Variants in UMODL1 observed in about 807,000 individuals in gnomAD.
The protein encoded by UMODL1 is uromodulin like 1, also known as uromodulin-like 1.
A neutral mutation model predicts 136.3 loss-of-function variants in UMODL1; 128 were observed. The observed-to-expected ratio is 0.94, with a 90% CI of 0.81 to 1.09. The LOEUF is 1.09. Ranked by LOEUF, UMODL1 falls within the 50% of genes least tolerant of loss-of-function variation. The pLI is 0.00. For synonymous variants in UMODL1, 721 were observed against 720.0 expected, an observed-to-expected ratio of 1.00 and a Z score of -0.02; for missense variants, 1,766 against 1,725.6, an observed-to-expected ratio of 1.02 and a Z score of -0.41.
At chr21:42,135,491 T>C (rs1029244514) in intron 21 of UMODL1, among the ~76,000 whole-genome samples, 4 of 151,754 alleles carry the variant, frequency 2.6e-5, no homozygotes, top group Admixed American at 1.3e-4. Flanking sequence ...GGGCTGAGAG[T>C]CCAGGGCCAT....
intron 22 of UMODL1, among the ~76,000 whole-genome samples, chr21:42,139,779 T>C (rs2067254521): frequency 6.6e-6 from 1 of 152,148 alleles, no homozygotes; most frequent in African/African-American, 2.4e-5. Context: ...GGGAGGTGAC[T>C]GGTCTCTAGC....
intron 14 of UMODL1, among the ~76,000 whole-genome samples, chr21:42,116,877 A>G (rs1010372765): frequency 3.9e-5 from 6 of 152,284 alleles, no homozygotes; most frequent in East Asian, 1.9e-4. Flanking sequence ...GGAGTTCTAG[A>G]CTAGCCTGGC....
chr21:42,074,012 A>T (rs908119231), intron 1 of UMODL1, among the ~76,000 whole-genome samples: 21 of 152,186 alleles, frequency 1.4e-4, no homozygotes, highest in African/African-American at 5.1e-4. Context: ...GGGGAGCTGG[A>T]GGGGACCCTT....
intron 1 of UMODL1, among the ~76,000 whole-genome samples, chr21:42,074,879 C>T (rs1035014362): frequency 2.0e-5 from 3 of 151,846 alleles, no homozygotes; most frequent in Non-Finnish European, 4.4e-5. Context: ...CACCAGCCAC[C>T]ACAATTTTTT....
intron 1 of UMODL1, among the ~76,000 whole-genome samples, chr21:42,063,719 G>A (rs759038292): frequency 1.3e-5 from 2 of 152,212 alleles, no homozygotes; most frequent in East Asian, 1.9e-4. Flanking sequence ...CCAACTGGCC[G>A]CTTGCTTGTC....
chr21:42,136,624 G>A, intron 21 of UMODL1, among the ~76,000 whole-genome samples: 1 of 152,240 alleles, frequency 6.6e-6, no homozygotes, highest in Non-Finnish European at 1.5e-5. Context: ...GGACACTTCA[G>A]TTGTTGCCAC....
At position 42,113,698 on chromosome 21, in the gene UMODL1, G is replaced by A; in HGVS notation, c.2230G>A (p.Ala744Thr). The change falls in exon 13 of 23, where the codon GCT becomes ACT. Residue 744 changes from alanine (A) to threonine (T), a missense_variant. Transcript: ENST00000408910. ...QLTLTSMWSP[A>T]VVLETWNTSV... The stretch of plus-strand genomic sequence containing the variant: ...CACTCTGACTTCCATGTGGAGCCCT[G>A]CTGTGGTCCTAGAGACCTGGAACAC... 1.2e-6 allele frequency: 2 copies of A among 1,614,106 alleles called. No individual in the cohort carries two copies. Among genetic ancestry groups the A allele is most frequent in the South Asian group, 1.1e-5 (1 of 91,072 alleles).
At chr21:42,084,656 C>T (rs1400914035) in intron 3 of UMODL1, among the ~76,000 whole-genome samples, 1 of 151,978 alleles carries the variant, frequency 6.6e-6, no homozygotes, top group African/African-American at 2.4e-5. Flanking sequence ...GCCTGCTGGT[C>T]TGGAAAGTTC....
At position 42,095,089 on chromosome 21, in the gene UMODL1, GTTTTTTT is replaced by G. The variant is rs58764222; in HGVS notation, c.932-3820_932-3814del. Among the ~76,000 whole-genome samples, 10 of 61,206 alleles carry G rather than the reference GTTTTTTT, an allele frequency of 1.6e-4. No individual in the cohort carries two copies. The South Asian group carries it at 2.8e-3, about 17-fold the overall frequency. The allele number at this position is 61,206 out of a possible 152,430, so 40.2% of individuals were successfully genotyped here. A position where few individuals can be genotyped will look rare whatever the true frequency, so the allele number is the denominator to read the frequency against. ...CATCACTCCTTTGTTTTCTTCTGCTGTTTTTTTTTTTTTTTTTTTTTTTGAGACAGGG... is the reference window on the plus strand; with the variant it reads ...CATCACTCCTTTGTTTTCTTCTGCTGTTTTTTTTTTTTTTTTGAGACAGGG... On this transcript the variant is annotated intron_variant, in intron 6 of 22. Coordinates refer to ENST00000408910, the MANE Select transcript of UMODL1 (RefSeq NM_001004416.3).
chr21:42,136,771 T>A (rs1482371389), intron 21 of UMODL1, among the ~76,000 whole-genome samples: 1 of 152,180 alleles, frequency 6.6e-6, no homozygotes, highest in Non-Finnish European at 1.5e-5. Context: ...TTTTTCTTTC[T>A]TTTTTGAGAC....
In UMODL1 at chr21:42,111,524, ATGGAGCCACCCTCC is replaced by A. The variant is rs1569163363; in HGVS notation, c.1922_1935del (p.Glu641AlafsTer5). On this transcript the variant is annotated frameshift_variant, in exon 12 of 23. Transcript: ENST00000408910. LOFTEE classifies it high-confidence loss of function. ...TGGACAGCTACAGGGAAACTCCATC[ATGGAGCCACCCTCC>A]TGGCCTTCCCCTACTGAGGACCCCA... The A allele has an allele frequency of 6.2e-7, 1 of 1,613,774 alleles. No individual in the cohort carries two copies. Among genetic ancestry groups the A allele is most frequent in the South Asian group, 1.1e-5 (1 of 91,070 alleles).
At chr21:42,129,075 G>A (rs2067100037) in intron 20 of UMODL1, among the ~76,000 whole-genome samples, 1 of 151,952 alleles carries the variant, frequency 6.6e-6, no homozygotes. Context: ...GTCTCTCGGT[G>A]TTGCCTTCCC....
chr21:42,071,188 G>A, upstream of UMODL1: 1 of 985,312 alleles, frequency 1.0e-6, no homozygotes, highest in East Asian at 3.2e-5. Flanking sequence ...GCCACCTGCA[G>A]CAGCACAGGG....
chr21:42,140,132 A>G (rs2067259521), intron 22 of UMODL1, among the ~76,000 whole-genome samples: 1 of 152,210 alleles, frequency 6.6e-6, no homozygotes, highest in Non-Finnish European at 1.5e-5. Context: ...TCAAGAAAAT[A>G]AGGACCTGAG....
intron 14 of UMODL1, among the ~76,000 whole-genome samples, chr21:42,116,380 A>T (rs2066903111): frequency 1.3e-5 from 2 of 151,748 alleles, no homozygotes; most frequent in Middle Eastern, 3.4e-3. Context: ...TTCTAGTCTC[A>T]TCCAACTAGG....
In UMODL1 at chr21:42,085,616, A is replaced by G; in HGVS notation, c.603+204A>G. Reference sequence around the variant, plus strand: ...GATTTACATGCAACAAAATGCACACAACTGAAGCGTGTAGTTGGCTGAGTT... The same window carrying G: ...GATTTACATGCAACAAAATGCACACGACTGAAGCGTGTAGTTGGCTGAGTT... On this transcript the variant is annotated intron_variant, in intron 4 of 22. Transcript: ENST00000408910. This position sits in a 1 kb window ranked among gnomAD's most constrained non-coding sequence, Gnocchi z 4.5. The G allele has an allele frequency of 1.4e-6, 1 of 723,668 alleles. No individual in the cohort carries two copies. The highest frequency in any genetic ancestry group is 2.2e-6 in the Non-Finnish European group (1 of 451,580). The allele number at this position is 723,668 out of a possible 1,614,324, so 44.8% of individuals were successfully genotyped here.
intron 2 of UMODL1, among the ~76,000 whole-genome samples, chr21:42,083,732 G>C (rs946715845): frequency 6.6e-6 from 1 of 152,100 alleles, no homozygotes; most frequent in Non-Finnish European, 1.5e-5. Context: ...AACAAATATT[G>C]AATGAATGAA....
intron 13 of UMODL1, 35 bp downstream of exon 13, chr21:42,113,865 C>A (rs1182642322): frequency 3.1e-6 from 5 of 1,589,574 alleles, no homozygotes; most frequent in African/African-American, 1.4e-5. Context: ...AAGAGAGGAA[C>A]AAAAAGTATG....
At chr21:42,129,639 C>A in intron 20 of UMODL1, 74 bp from the exon 21 acceptor site, 1 of 1,364,054 alleles carries the variant, frequency 7.3e-7, no homozygotes, top group Non-Finnish European at 1.0e-6. Context: ...CATTAGCATC[C>A]TTGATAGTAG....
Sources: allele counts gnomAD v4.1 joint callset (sites outside exome capture counted in the v4.1 genomes callset), GRCh38; gene constraint gnomAD v4.1.1; non-coding constraint Gnocchi (gnomAD v3.1); transcripts MANE v1.5; gene names NCBI Gene and HGNC (gene_info 2026-07-23, HGNC 2026-07-21).